The following COLQ variants were observed in gnomAD, a reference collection of about 807,000 sequenced individuals.
COLQ encodes the protein acetylcholinesterase collagenic tail peptide.
In COLQ, 48 loss-of-function variants were observed where a neutral mutation model predicts 69.0. The observed-to-expected ratio is 0.70, with a 90% CI of 0.55 to 0.88. The LOEUF (loss-of-function observed/expected upper bound fraction) is 0.88, where lower values mean the gene tolerates loss of function less well. Among genes scored for constraint, COLQ ranks in the 40% least tolerant of loss-of-function variants. The pLI is 0.00. For missense variants in COLQ, 618 were observed against 594.6 expected (o/e 1.04, Z -0.41); for synonymous variants, 217 against 211.2 (o/e 1.03, Z -0.24).
intron 7 of COLQ, 107 bp downstream of exon 7, chr3:15,475,318 T>C: frequency 6.3e-6 from 7 of 1,110,114 alleles, no homozygotes; most frequent in South Asian, 1.3e-5. Context: ...ATCCGCGACA[T>C]TCCCTAGTCC....
intron 6 of COLQ, 129 bp from the exon 7 acceptor site, chr3:15,475,616 T>A (rs569165968): frequency 1.3e-6 from 1 of 797,928 alleles, no homozygotes; most frequent in South Asian, 1.5e-5. Flanking sequence ...GGACCCCAGA[T>A]GCACCCACTT....
At chr3:15,488,378 C>T in intron 2 of COLQ, 71 bp from the exon 3 acceptor site, 1 of 1,278,234 alleles carries the variant, frequency 7.8e-7, no homozygotes, top group Non-Finnish European at 1.1e-6. Context: ...ATCCTGGACA[C>T]AGACCTGCTC....
In COLQ at chr3:15,484,374, G is replaced by T. The variant is rs1406628547; in HGVS notation, c.321+3832C>A. Among the ~76,000 whole-genome samples the T allele has an allele frequency of 7.9e-5, 12 of 152,282 alleles. No homozygotes were observed. The East Asian group carries it at 2.3e-3, about 29-fold the overall frequency. On this transcript the variant is annotated intron_variant, in intron 3 of 16. Transcript: ENST00000383788. ...CCAGTTGTTCCTTTCCATGTTTAGT[G>T]CTTCCTTCAGGAACTCTTGAAAGGC...
rs746757636 is a variant in COLQ, at chr3:15,488,264, G to A, written c.263C>T (p.Thr88Ile). The change falls in exon 3 of 17, where the codon ACC becomes ATC. Residue 88 changes from threonine (T) to isoleucine (I), a missense_variant. Thr to Ile is a moderately conservative substitution (Grantham distance 89). Transcript: ENST00000383788. The part of the protein sequence containing the change: ...DMKNLMLELE[T>I]SQSPCMQGSL... ...GCCTTGCATGCACGGGGACTGCGAG[G>A]TCTCCAGTTCCAGCATGAGATTCTT... The A allele has an allele frequency of 6.2e-7, 1 of 1,613,714 alleles. No individual in the cohort carries two copies. Among genetic ancestry groups the A allele is most frequent in the Non-Finnish European group, 8.5e-7 (1 of 1,179,996 alleles).
At chr3:15,481,619 T>C (rs1213758236) in intron 3 of COLQ, among the ~76,000 whole-genome samples, 1 of 152,232 alleles carries the variant, frequency 6.6e-6, no homozygotes, top group Non-Finnish European at 1.5e-5. Context: ...TACTGTAGCC[T>C]TGTAGTATAG....
intron 5 of COLQ, 64 bp downstream of exon 5, chr3:15,478,913 A>C: frequency 6.3e-7 from 1 of 1,593,658 alleles, no homozygotes. Context: ...CCTCCCTAGG[A>C]GTGCATGCAC....
intron 1 of COLQ, among the ~76,000 whole-genome samples, chr3:15,513,927 C>T (rs1371696717): frequency 6.6e-6 from 1 of 152,160 alleles, no homozygotes; most frequent in Admixed American, 6.5e-5. Flanking sequence ...TCCTGGATTA[C>T]TTGGGTGGCC....
chr3:15,453,676 G>C (rs1489782613), intron 16 of COLQ, among the ~76,000 whole-genome samples, 153 bp downstream of exon 16: 1 of 152,170 alleles, frequency 6.6e-6, no homozygotes, highest in Non-Finnish European at 1.5e-5. Context: ...GGTAGGCAGG[G>C]AGCACGTGTT....
At chr3:15,499,839 T>C (rs896608337) in intron 1 of COLQ, among the ~76,000 whole-genome samples, 2 of 152,112 alleles carry the variant, frequency 1.3e-5, no homozygotes, top group African/African-American at 4.8e-5. Context: ...CTTGAGGAAG[T>C]TATTCATTCT....
At chr3:15,470,407 C>T in intron 11 of COLQ, 129 bp downstream of exon 11, 1 of 860,100 alleles carries the variant, frequency 1.2e-6, no homozygotes, top group East Asian at 2.4e-5. Flanking sequence ...CTCCCGTCTG[C>T]TAGCCCAGAG....
intron 1 of COLQ, chr3:15,498,494 C>T: frequency 6.5e-7 from 1 of 1,535,372 alleles, no homozygotes; most frequent in South Asian, 1.2e-5. Context: ...CACGTGCACA[C>T]ACGCACACAC....
chr3:15,498,713 C>G, intron 1 of COLQ: 1 of 1,542,836 alleles, frequency 6.5e-7, no homozygotes. Context: ...TTGGCCAATC[C>G]CTGCTTTGAT....
intron 11 of COLQ, among the ~76,000 whole-genome samples, chr3:15,468,321 GTTTTTT>G (rs540716062): frequency 1.4e-5 from 1 of 71,258 alleles, no homozygotes; most frequent in South Asian, 7.5e-4. Flanking sequence ...AGTTACTGAA[GTTTTTT>G]TTTTTTTTTT....
intron 16 of COLQ, among the ~76,000 whole-genome samples, chr3:15,453,388 G>A (rs3773460): frequency 6.6e-6 from 1 of 152,230 alleles, no homozygotes; most frequent in East Asian, 1.9e-4. Flanking sequence ...GCATGCCTGA[G>A]GGATGGGCAG....
chr3:15,477,679 G>A, intron 5 of COLQ: 1 of 167,650 alleles, frequency 6.0e-6, no homozygotes. Flanking sequence ...TTGCCCTTGA[G>A]CAATTGGAGC....
At chr3:15,479,516 G>T (rs2062440003) in intron 3 of COLQ, 134 bp from the exon 4 acceptor site, 8 of 866,318 alleles carry the variant, frequency 9.2e-6, no homozygotes, top group Admixed American at 3.9e-5. Context: ...AGGGACCCAT[G>T]GAGGCTTTTC....
intron 1 of COLQ, among the ~76,000 whole-genome samples, chr3:15,491,924 G>A (rs1159740182): frequency 6.6e-6 from 1 of 151,978 alleles, no homozygotes; most frequent in Non-Finnish European, 1.5e-5. Flanking sequence ...TGGGCACGGT[G>A]GCATGCACCT....
intron 1 of COLQ, among the ~76,000 whole-genome samples, chr3:15,504,563 T>A (rs1473251135): frequency 6.6e-6 from 1 of 152,144 alleles, no homozygotes. Flanking sequence ...CATCTCCAAA[T>A]ATAGTCACAT....
chr3:15,483,313 T>A (rs918491418), intron 3 of COLQ, among the ~76,000 whole-genome samples: 1 of 152,078 alleles, frequency 6.6e-6, no homozygotes, highest in South Asian at 2.1e-4. Context: ...TTAGGGTGTC[T>A]ATTTTAGATC....
Sources: allele counts gnomAD v4.1 joint callset (sites outside exome capture counted in the v4.1 genomes callset), GRCh38; gene constraint gnomAD v4.1.1; transcripts MANE v1.5; gene names NCBI Gene and HGNC (gene_info 2026-07-23, HGNC 2026-07-21).